CTNNA3: variants seen among roughly 807,000 people sequenced by gnomAD.
CTNNA3 encodes catenin alpha 3.
CTNNA3 carries 76 observed loss-of-function variants against 95.7 expected under a neutral mutation model. The observed-to-expected ratio is 0.79, with a 90% CI of 0.66 to 0.96. CTNNA3 has a LOEUF of 0.96. CTNNA3 is among the 40% of genes least tolerant of loss of function. The probability of loss-of-function intolerance (pLI) is 0.00; values close to 1 mark genes in which losing one functional copy is unlikely to be tolerated. For missense variants in CTNNA3, 1,191 were observed against 1,089.8 expected (o/e 1.09, Z -1.31); for synonymous variants, 431 against 374.4 (o/e 1.15, Z -1.74).
chr10:66,733,113 A>C (rs1370974395), intron 9 of CTNNA3, among the ~76,000 whole-genome samples: 1 of 152,134 alleles, frequency 6.6e-6, no homozygotes, highest in Non-Finnish European at 1.5e-5. Flanking sequence ...ACCTTTTTAA[A>C]ATATATTCTC....
At chr10:66,466,446 G>A (rs968972542) in intron 11 of CTNNA3, among the ~76,000 whole-genome samples, 1 of 151,432 alleles carries the variant, frequency 6.6e-6, no homozygotes, top group Admixed American at 6.6e-5. Flanking sequence ...TCTCATCACA[G>A]TAAGTCATTG....
chr10:66,612,205 T>TA (rs945559609), intron 10 of CTNNA3, among the ~76,000 whole-genome samples: 1 of 152,140 alleles, frequency 6.6e-6, no homozygotes, highest in African/African-American at 2.4e-5. Context: ...TGTCCCATCT[T>TA]AAAAATTCTT....
intron 13 of CTNNA3, among the ~76,000 whole-genome samples, chr10:66,179,297 A>C (rs1004845722): frequency 6.6e-6 from 1 of 152,034 alleles, no homozygotes; most frequent in East Asian, 1.9e-4. Flanking sequence ...AAAAAAAGTC[A>C]ATCCAAAAAG....
chr10:66,461,417 TAAAA>T (rs1051737095), intron 11 of CTNNA3, among the ~76,000 whole-genome samples: 2 of 152,032 alleles, frequency 1.3e-5, no homozygotes, highest in Non-Finnish European at 2.9e-5. Flanking sequence ...AATTGCATAA[TAAAA>T]AGAAGTAAAA....
intron 7 of CTNNA3, among the ~76,000 whole-genome samples, chr10:67,077,615 G>A (rs944103524): frequency 1.3e-5 from 2 of 152,090 alleles, no homozygotes; most frequent in Non-Finnish European, 2.9e-5. Flanking sequence ...AATCTTCTAT[G>A]ATGCAACTCC....
chr10:67,212,281 T>A (rs921328368), intron 6 of CTNNA3, among the ~76,000 whole-genome samples: 1 of 151,910 alleles, frequency 6.6e-6, no homozygotes, highest in Non-Finnish European at 1.5e-5. Context: ...TGCAACCTCT[T>A]TCTCCCCACT....
At chr10:66,316,744 T>G (rs1197900598) in intron 12 of CTNNA3, among the ~76,000 whole-genome samples, 1 of 151,614 alleles carries the variant, frequency 6.6e-6, no homozygotes, top group Admixed American at 6.6e-5. Context: ...ACAACAGGAG[T>G]TGAACAAAAT....
At chr10:67,656,301 T>C (rs754856022) in intron 1 of CTNNA3, among the ~76,000 whole-genome samples, 3 of 152,210 alleles carry the variant, frequency 2.0e-5, no homozygotes, top group Non-Finnish European at 4.4e-5. Flanking sequence ...ATGCTCTTCC[T>C]GGACTTTACA....
intron 15 of CTNNA3, among the ~76,000 whole-genome samples, chr10:66,065,230 G>A (rs76869087): frequency 1.5e-3 from 156 of 102,900 alleles, no homozygotes; most frequent in Non-Finnish European, 2.3e-3. Flanking sequence ...GGTTTAAATG[G>A]TTTTTTTTTG....
At position 66,966,827 on chromosome 10, in the gene CTNNA3, A is replaced by G. The variant is rs1158615516; in HGVS notation, c.1048-191303T>C. Reference sequence around the variant, plus strand: ...AATCAGTGTGCTCTCACATCTCCATATCTCTGTGTTACCCAACATAGAACT... The same window carrying G: ...AATCAGTGTGCTCTCACATCTCCATGTCTCTGTGTTACCCAACATAGAACT... On this transcript the variant is annotated intron_variant, in intron 7 of 17. Coordinates refer to ENST00000433211, the MANE Select transcript of CTNNA3 (RefSeq NM_013266.4). 2.6e-5 allele frequency among the ~76,000 whole-genome samples: 4 copies of G among 152,124 alleles called. No homozygotes were observed. In the East Asian group the frequency reaches 7.7e-4, roughly 29 times the overall value.
At chr10:66,604,474 C>G (rs1844045550) in intron 10 of CTNNA3, among the ~76,000 whole-genome samples, 1 of 152,158 alleles carries the variant, frequency 6.6e-6, no homozygotes, top group African/African-American at 2.4e-5. Context: ...GTGGCTGCCA[C>G]TGCTGCTGAC....
At chr10:66,905,062 A>G (rs1215649931) in intron 7 of CTNNA3, among the ~76,000 whole-genome samples, 2 of 152,228 alleles carry the variant, frequency 1.3e-5, no homozygotes, top group Non-Finnish European at 2.9e-5. Context: ...CTATAAAGAC[A>G]CATGCACACG....
At chr10:66,668,207 A>G (rs1190327399) in intron 9 of CTNNA3, among the ~76,000 whole-genome samples, 2 of 152,158 alleles carry the variant, frequency 1.3e-5, no homozygotes, top group African/African-American at 4.8e-5. Flanking sequence ...GTTTTTGCTA[A>G]GTAATAAGGA....
chr10:67,333,193 A>T (rs1354557474), intron 5 of CTNNA3, among the ~76,000 whole-genome samples: 1 of 152,194 alleles, frequency 6.6e-6, no homozygotes, highest in Non-Finnish European at 1.5e-5. Flanking sequence ...TCAGTTATGT[A>T]TATTAGTGCT....
At chr10:66,328,658 T>G (rs944525198) in intron 12 of CTNNA3, among the ~76,000 whole-genome samples, 22 of 151,708 alleles carry the variant, frequency 1.5e-4, no homozygotes, top group African/African-American at 5.3e-4. Context: ...AACCATTTTA[T>G]GTGTATATAA....
intron 12 of CTNNA3, among the ~76,000 whole-genome samples, chr10:66,294,204 T>C (rs920387874): frequency 1.2e-4 from 18 of 152,202 alleles, no homozygotes; most frequent in African/African-American, 3.9e-4. Context: ...CTAAAGCCTA[T>C]TTCCTTGCAG....
At chr10:66,994,818 C>T (rs1320719184) in intron 7 of CTNNA3, among the ~76,000 whole-genome samples, 1 of 152,126 alleles carries the variant, frequency 6.6e-6, no homozygotes, top group Non-Finnish European at 1.5e-5. Flanking sequence ...AACATCAGTC[C>T]TTTGAGAATT....
chr10:66,416,607 G>GA (rs1258327421), intron 11 of CTNNA3, among the ~76,000 whole-genome samples: 1 of 151,622 alleles, frequency 6.6e-6, no homozygotes, highest in East Asian at 1.9e-4. Flanking sequence ...ATCAGAACAA[G>GA]AGAAAATTTA....
In CTNNA3 at chr10:66,851,538, C is replaced by G. The variant is rs527909071; in HGVS notation, c.1048-76014G>C. ...TGGTTTCTCCTGAATGGTTTAGCAC[C>G]ATCCGCGTGGTGCTCTACTCATGAT... On this transcript the variant is annotated intron_variant, in intron 7 of 17. Coordinates refer to ENST00000433211, the MANE Select transcript of CTNNA3 (RefSeq NM_013266.4). 1.1e-4 allele frequency among the ~76,000 whole-genome samples: 17 copies of G among 151,990 alleles called. No homozygotes were observed. In the South Asian group the frequency reaches 3.3e-3, roughly 30 times the overall value.
Sources: gnomAD v4.1 joint callset for allele counts (sites outside exome capture counted in the v4.1 genomes callset) on GRCh38, gnomAD v4.1.1 for gene constraint, MANE v1.5 for transcripts, NCBI Gene and HGNC (gene_info 2026-07-23, HGNC 2026-07-21) for gene names.